The following ROBO2 variants were observed in gnomAD, a reference collection of about 807,000 sequenced individuals.
ROBO2 encodes roundabout guidance receptor 2.
A neutral mutation model predicts 160.8 loss-of-function variants in ROBO2; 53 were observed. The ratio of observed to expected loss-of-function variants is 0.33; its 90% CI spans 0.26 to 0.41. The LOEUF (loss-of-function observed/expected upper bound fraction) is 0.41. Among genes scored for constraint, ROBO2 ranks in the 10% least tolerant of loss-of-function variants. ROBO2 has a pLI of 1.00. For synonymous variants in ROBO2, 664 were observed against 611.7 expected (o/e 1.09, Z -1.26); for missense variants, 1,577 against 1,722.4 (o/e 0.92, Z 1.49).
chr3:76,968,569 C>T (rs1302063495), intron 2 of ROBO2, among the ~76,000 whole-genome samples: 1 of 152,022 alleles, frequency 6.6e-6, no homozygotes, highest in Non-Finnish European at 1.5e-5. Context: ...TAGTTAAATG[C>T]CAATGATTAA....
At chr3:76,265,012 A>G (rs1707011048) in intron 2 of ROBO2, among the ~76,000 whole-genome samples, 1 of 152,136 alleles carries the variant, frequency 6.6e-6, no homozygotes, top group Non-Finnish European at 1.5e-5. Flanking sequence ...AACACTAGGC[A>G]CATTTGCTAT....
chr3:76,098,110 A>T (rs991416860), intron 2 of ROBO2, among the ~76,000 whole-genome samples: 2 of 152,146 alleles, frequency 1.3e-5, no homozygotes, highest in Admixed American at 1.3e-4. Flanking sequence ...CAGTGTCATC[A>T]TGTAGGTGTA....
chr3:76,304,598 G>GTTAGTAGAGAATAATCTTTGCCAAGTT (rs2071229347), intron 2 of ROBO2, among the ~76,000 whole-genome samples: 1 of 152,104 alleles, frequency 6.6e-6, no homozygotes. Context: ...GCAGCCTGTA[G>GTTAGTAGAGAATAATCTTTGCCAAGTT]TTAGTAGAGA....
intron 2 of ROBO2, among the ~76,000 whole-genome samples, chr3:77,409,420 G>A (rs1486672576): frequency 1.3e-5 from 2 of 152,064 alleles, no homozygotes; most frequent in Non-Finnish European, 2.9e-5. Context: ...GGGTTATTTA[G>A]TGAATTTAAT....
intron 2 of ROBO2, among the ~76,000 whole-genome samples, chr3:76,793,603 TTTA>T (rs1388002701): frequency 2.6e-5 from 4 of 151,792 alleles, no homozygotes; most frequent in Admixed American, 1.3e-4. Context: ...TTTTTTTTCT[TTTA>T]TTATTATTAT....
chr3:77,410,504 TTCCTCCTCTTCCTCC>T (rs1560756755), intron 2 of ROBO2, among the ~76,000 whole-genome samples: 1 of 112,662 alleles, frequency 8.9e-6, no homozygotes, highest in South Asian at 3.2e-4. Flanking sequence ...CCTCCTCCTC[TTCCTCCTCTTCCTCC>T]TCCTCCTCTT....
chr3:77,098,462 G>A (rs1258868636), intron 2 of ROBO2, 122 bp downstream of exon 2: 1 of 1,030,182 alleles, frequency 9.7e-7, no homozygotes, highest in African/African-American at 1.6e-5. Flanking sequence ...AATTTTACTT[G>A]GTCTTCTTCA....
At chr3:76,578,693 G>A (rs1460986772) in intron 2 of ROBO2, among the ~76,000 whole-genome samples, 1 of 151,950 alleles carries the variant, frequency 6.6e-6, no homozygotes, top group Non-Finnish European at 1.5e-5. Flanking sequence ...TCTTAGCCCA[G>A]CAATCTCATG....
intron 2 of ROBO2, among the ~76,000 whole-genome samples, chr3:76,976,000 A>G (rs888688833): frequency 6.6e-5 from 10 of 152,202 alleles, no homozygotes; most frequent in Non-Finnish European, 1.3e-4. Flanking sequence ...TTGGACGTAC[A>G]GAGTCTCGTC....
At chr3:77,448,716 T>G (rs545512321) in intron 2 of ROBO2, among the ~76,000 whole-genome samples, 107 of 152,000 alleles carry the variant, frequency 7.0e-4, no homozygotes, top group Admixed American at 2.3e-3. Flanking sequence ...GACTGGCAGC[T>G]TCTCGGGGGA....
At chr3:76,223,186 C>T (rs563943238) in intron 2 of ROBO2, among the ~76,000 whole-genome samples, 8 of 151,738 alleles carry the variant, frequency 5.3e-5, no homozygotes, top group Non-Finnish European at 1.2e-4. Context: ...CGTTTATCAC[C>T]TTTAGGATCC....
chr3:77,602,401 C>T lies in ROBO2; in HGVS notation c.3046C>T (p.Pro1016Ser), dbSNP rs1007716699. Residue 1016 changes from proline to serine, a missense_variant, in exon 20 of 26, where the codon CCT becomes TCT. Around this residue, in one of 2 missense-constraint regions of ROBO2, gnomAD observed 637 missense variants for 586.9 expected, o/e 1.09. Transcript: ENST00000461745. ...CATACATGAATTGGCTGTCGATCTGCCTGATCCACAATGGAAAAGCTCAAT... is the reference window on the plus strand; with the variant it reads ...CATACATGAATTGGCTGTCGATCTGTCTGATCCACAATGGAAAAGCTCAAT... 9 of 1,613,946 alleles carry T rather than the reference C, an allele frequency of 5.6e-6. No homozygotes were observed. The highest frequency in any genetic ancestry group is 3.3e-5 in the Admixed American group (2 of 60,000).
At chr3:76,708,098 A>G (rs2093209386) in intron 2 of ROBO2, among the ~76,000 whole-genome samples, 1 of 152,140 alleles carries the variant, frequency 6.6e-6, no homozygotes, top group South Asian at 2.1e-4. Context: ...CTAGGGAGAT[A>G]TATCTTTATA....
intron 2 of ROBO2, among the ~76,000 whole-genome samples, chr3:76,542,789 C>G (rs374406458): frequency 6.6e-6 from 1 of 152,254 alleles, no homozygotes; most frequent in Non-Finnish European, 1.5e-5. Flanking sequence ...CTGCCTCTTC[C>G]CCTAACCACT....
intron 2 of ROBO2, among the ~76,000 whole-genome samples, chr3:76,444,683 C>T (rs1294210919): frequency 6.6e-6 from 1 of 152,168 alleles, no homozygotes; most frequent in Non-Finnish European, 1.5e-5. Context: ...AGGTCTCTCC[C>T]TTGACACATG....
intron 2 of ROBO2, among the ~76,000 whole-genome samples, chr3:76,182,685 A>T (rs144428846): frequency 1.0e-3 from 156 of 152,296 alleles, no homozygotes; most frequent in African/African-American, 3.5e-3. Context: ...ATGCCCTTTG[A>T]ATGACTATAG....
At chr3:77,250,522 G>A (rs2090214089) in intron 2 of ROBO2, among the ~76,000 whole-genome samples, 1 of 152,172 alleles carries the variant, frequency 6.6e-6, no homozygotes, top group South Asian at 2.1e-4. Context: ...TGACTGAGTT[G>A]TACACATAAA....
At chr3:77,232,629 G>A (rs1302862546) in intron 2 of ROBO2, among the ~76,000 whole-genome samples, 1 of 152,114 alleles carries the variant, frequency 6.6e-6, no homozygotes, top group African/African-American at 2.4e-5. Flanking sequence ...ATTGAGGGAG[G>A]CATTACCTGT....
intron 2 of ROBO2, among the ~76,000 whole-genome samples, chr3:76,531,480 A>T (rs897397602): frequency 7.9e-5 from 12 of 151,782 alleles, no homozygotes; most frequent in Non-Finnish European, 1.0e-4. Context: ...CTTCTCGAAT[A>T]TATTTTTTAA....
Sources: allele counts gnomAD v4.1 joint callset (sites outside exome capture counted in the v4.1 genomes callset), GRCh38; gene constraint gnomAD v4.1.1; regional missense constraint gnomAD v4.1.1; transcripts MANE v1.5; gene names NCBI Gene and HGNC (gene_info 2026-07-23, HGNC 2026-07-21).